LTBP1: variants seen among roughly 807,000 people sequenced by gnomAD.
LTBP1 encodes the protein latent-transforming growth factor beta-binding protein 1.
A neutral mutation model predicts 207.6 loss-of-function variants in LTBP1; 129 were observed. The ratio of observed to expected loss-of-function variants is 0.62; its 90% CI spans 0.54 to 0.72. LTBP1 has a LOEUF of 0.72. Among genes scored for constraint, LTBP1 ranks in the 30% least tolerant of loss-of-function variants. The pLI is 0.00. For missense variants in LTBP1, 2,281 were observed against 2,217.2 expected, an observed-to-expected ratio of 1.03 and a Z score of -0.58; for synonymous variants, 963 against 833.7, an observed-to-expected ratio of 1.16 and a Z score of -2.67.
In LTBP1 at chr2:33,176,158, TAATAA is replaced by T. The variant is rs527247197; in HGVS notation, c.1202-10690_1202-10686del. Among the ~76,000 whole-genome samples, 555 of 151,908 alleles carry T rather than the reference TAATAA, an allele frequency of 3.7e-3. 2 individuals carry two copies. The highest frequency in any genetic ancestry group is 0.013 in the African/African-American group (522 of 41,424). ...TACCCTAAAGCTTAAAGTATAATAA[TAATAA>T]AATAAAAAAATAGAAAATAAATAAA... On this transcript the variant is annotated intron_variant, in intron 5 of 33. Coordinates refer to ENST00000404816, the MANE Select transcript of LTBP1 (RefSeq NM_206943.4).
intron 19 of LTBP1, chr2:33,285,961 C>T (rs984086114): frequency 1.3e-5 from 2 of 152,048 alleles, no homozygotes; most frequent in Admixed American, 1.3e-4. Flanking sequence ...TCTGTAGGGT[C>T]ATTAGTGATT....
chr2:33,115,930 A>C (rs562883322), intron 4 of LTBP1, among the ~76,000 whole-genome samples: 19 of 152,224 alleles, frequency 1.2e-4, no homozygotes, highest in Non-Finnish European at 2.4e-4. Context: ...GTGCTGACGT[A>C]GTAAAAATGA....
chr2:33,258,025 G>A (rs1286153578), intron 12 of LTBP1, among the ~76,000 whole-genome samples: 1 of 152,204 alleles, frequency 6.6e-6, no homozygotes, highest in African/African-American at 2.4e-5. Context: ...AGAAACCTGA[G>A]ACCTAGAGAG....
intron 4 of LTBP1, among the ~76,000 whole-genome samples, chr2:33,115,090 A>T (rs1423496062): frequency 7.5e-6 from 1 of 133,096 alleles, no homozygotes; most frequent in Non-Finnish European, 1.6e-5. Context: ...ACAAATATAT[A>T]TACACACATA....
intron 3 of LTBP1, among the ~76,000 whole-genome samples, chr2:33,049,508 C>T (rs1048088647): frequency 6.6e-6 from 1 of 152,068 alleles, no homozygotes; most frequent in African/African-American, 2.4e-5. Flanking sequence ...TCTGAATTGC[C>T]ATATCAGTAA....
intron 3 of LTBP1, among the ~76,000 whole-genome samples, chr2:33,054,258 G>C (rs983802609): frequency 6.6e-6 from 1 of 152,220 alleles, no homozygotes; most frequent in Non-Finnish European, 1.5e-5. Context: ...GTGTTGCAGG[G>C]ACTGCTGCAT....
chr2:33,145,344 A>G (rs937172516), intron 5 of LTBP1, among the ~76,000 whole-genome samples: 3 of 152,200 alleles, frequency 2.0e-5, no homozygotes, highest in African/African-American at 7.2e-5. Flanking sequence ...ATCAGCTTCA[A>G]TAAGAATTGG....
At chr2:33,169,344 C>G (rs543217452) in intron 5 of LTBP1, among the ~76,000 whole-genome samples, 7 of 152,150 alleles carry the variant, frequency 4.6e-5, no homozygotes, top group East Asian at 1.9e-4. Flanking sequence ...TCTCTCTCCC[C>G]CTCTGAAGCC....
At chr2:33,365,630 T>C (rs2094976840) in intron 31 of LTBP1, 127 bp downstream of exon 31, 2 of 707,004 alleles carry the variant, frequency 2.8e-6, no homozygotes, top group Non-Finnish European at 4.5e-6. Flanking sequence ...TCATCCCGTG[T>C]GTGTGTGTGT....
In LTBP1 at chr2:33,081,785, C is replaced by T. The variant is rs188982261; in HGVS notation, c.864-28797C>T. ...GTGGGAGGTAATTGAATCATGGGGG[C>T]GGTTACCCTCATGCTTTTCTTATGA... On this transcript the variant is annotated intron_variant, in intron 3 of 33. Coordinates refer to ENST00000404816, the MANE Select transcript of LTBP1 (RefSeq NM_206943.4). Among the ~76,000 whole-genome samples, 562 of 152,050 alleles carry T rather than the reference C, an allele frequency of 3.7e-3. 3 individuals carry two copies. The highest frequency in any genetic ancestry group is 0.012 in the African/African-American group (508 of 41,460).
chr2:33,347,596 T>C, intron 26 of LTBP1, 86 bp downstream of exon 26: 1 of 1,519,662 alleles, frequency 6.6e-7, no homozygotes, highest in South Asian at 1.2e-5. Context: ...ACGCTGGGAG[T>C]GAGATAAGAA....
chr2:33,095,794 C>T (rs1389688663), intron 3 of LTBP1, among the ~76,000 whole-genome samples: 1 of 151,470 alleles, frequency 6.6e-6, no homozygotes, highest in Admixed American at 6.6e-5. Context: ...GGGTAAGTGG[C>T]CTTGAAGATA....
intron 24 of LTBP1, among the ~76,000 whole-genome samples, chr2:33,335,986 C>A (rs1429514716): frequency 1.3e-5 from 2 of 152,154 alleles, no homozygotes; most frequent in Non-Finnish European, 2.9e-5. Flanking sequence ...GTCCTGGGAC[C>A]TCCTGAGACT....
At chr2:33,304,206 C>G (rs1182072176) in intron 22 of LTBP1, among the ~76,000 whole-genome samples, 1 of 152,164 alleles carries the variant, frequency 6.6e-6, no homozygotes, top group African/African-American at 2.4e-5. Flanking sequence ...GGACTAGTTT[C>G]TCTAGTGTAC....
At chr2:33,036,422 A>C (rs1202448073) in intron 3 of LTBP1, among the ~76,000 whole-genome samples, 1 of 151,554 alleles carries the variant, frequency 6.6e-6, no homozygotes, top group Non-Finnish European at 1.5e-5. Flanking sequence ...GGTTGTTTTT[A>C]GTGTTTTGCT....
At chr2:33,347,953 A>C (rs2094726341) in intron 26 of LTBP1, among the ~76,000 whole-genome samples, 1 of 152,210 alleles carries the variant, frequency 6.6e-6, no homozygotes, top group Non-Finnish European at 1.5e-5. Flanking sequence ...AAAGACTTCC[A>C]CTTGGAATTC....
intron 24 of LTBP1, among the ~76,000 whole-genome samples, chr2:33,316,410 G>T (rs550566528): frequency 6.6e-6 from 1 of 152,218 alleles, no homozygotes; most frequent in African/African-American, 2.4e-5. Flanking sequence ...GAACCAAGCC[G>T]TGTGCCAGCA....
At chr2:33,261,315 G>A (rs2093003847) in intron 13 of LTBP1, among the ~76,000 whole-genome samples, 1 of 152,218 alleles carries the variant, frequency 6.6e-6, no homozygotes, top group Non-Finnish European at 1.5e-5. Context: ...ATTGGCCATG[G>A]CTGCAGGGAA....
chr2:33,185,557 T>G (rs1057471786), intron 5 of LTBP1, among the ~76,000 whole-genome samples: 1 of 152,128 alleles, frequency 6.6e-6, no homozygotes, highest in African/African-American at 2.4e-5. Context: ...GACCAAACCT[T>G]AACACACATC....
Sources: gnomAD v4.1 joint callset for allele counts (sites outside exome capture counted in the v4.1 genomes callset) on GRCh38, gnomAD v4.1.1 for gene constraint, MANE v1.5 for transcripts, NCBI Gene and HGNC (gene_info 2026-07-23, HGNC 2026-07-21) for gene names.